The following TTC28 variants were observed in gnomAD, a reference collection of about 807,000 sequenced individuals.
TTC28 encodes tetratricopeptide repeat domain 28, also known as tetratricopeptide repeat protein 28.
In TTC28, 61 loss-of-function variants were observed where a neutral mutation model predicts 198.0. The ratio of observed to expected loss-of-function variants is 0.31; its 90% CI spans 0.25 to 0.38. TTC28 has a LOEUF of 0.38. TTC28 is among the 10% of genes least tolerant of loss of function. TTC28 has a pLI of 1.00. For synonymous variants in TTC28, 1,171 were observed against 1,297.8 expected (o/e 0.90, Z 2.10); for missense variants, 2,678 against 3,164.0 (o/e 0.85, Z 3.69).
At chr22:28,577,879 T>G (rs2050175919) in intron 2 of TTC28, among the ~76,000 whole-genome samples, 1 of 152,180 alleles carries the variant, frequency 6.6e-6, no homozygotes, top group Admixed American at 6.5e-5. Context: ...GTGTTTCTTG[T>G]AGGTAACAGA....
chr22:28,162,549 G>C (rs1921332186), intron 6 of TTC28, among the ~76,000 whole-genome samples: 1 of 152,114 alleles, frequency 6.6e-6, no homozygotes, highest in South Asian at 2.1e-4. Context: ...TACATTAAAA[G>C]GTTGGGATGT....
In TTC28 at chr22:28,044,683, T is replaced by C. The variant is rs187049338; in HGVS notation, c.3933-14317A>G. On this transcript the variant is annotated intron_variant, in intron 12 of 22. Coordinates refer to ENST00000397906, the MANE Select transcript of TTC28 (RefSeq NM_001145418.2). The stretch of plus-strand genomic sequence containing the variant: ...GTGTTCTCATTGTTCAATTCCCACC[T>C]ATGAGTGAGAACATGTGGTGTTTGG... 2.4e-4 allele frequency among the ~76,000 whole-genome samples: 37 copies of C among 152,314 alleles called. 1 individual carries two copies. In the East Asian group the frequency reaches 6.9e-3, roughly 29 times the overall value.
At position 28,193,645 on chromosome 22, in the gene TTC28, G is replaced by T. The variant is rs533409125; in HGVS notation, c.934-30046C>A. Among the ~76,000 whole-genome samples, 11 of 152,062 alleles carry T rather than the reference G, an allele frequency of 7.2e-5. No individual in the cohort carries two copies. In the East Asian group the frequency reaches 1.7e-3, roughly 24 times the overall value. On this transcript the variant is annotated intron_variant, in intron 5 of 22. Coordinates refer to ENST00000397906, the MANE Select transcript of TTC28 (RefSeq NM_001145418.2). ...AGGCAGGGGTTGCAAACCTAGTCTC[G>T]GATAAAACAGACTTTAAACCAACAA...
intron 2 of TTC28, among the ~76,000 whole-genome samples, chr22:28,544,251 A>G (rs908641456): frequency 1.3e-5 from 2 of 152,080 alleles, no homozygotes; most frequent in African/African-American, 4.8e-5. Flanking sequence ...CAAACAAACA[A>G]AAACACCTTG....
At chr22:28,351,445 T>C (rs1206990321) in intron 2 of TTC28, among the ~76,000 whole-genome samples, 1 of 152,226 alleles carries the variant, frequency 6.6e-6, no homozygotes, top group Non-Finnish European at 1.5e-5. Flanking sequence ...AAGAATCCCA[T>C]ATATGCTTTG....
intron 5 of TTC28, among the ~76,000 whole-genome samples, chr22:28,178,034 T>C (rs941272012): frequency 6.6e-6 from 1 of 152,180 alleles, no homozygotes; most frequent in Admixed American, 6.5e-5. Context: ...GGTTCATCAG[T>C]TGTAATAATG....
At chr22:28,194,192 T>TA (rs1339555490) in intron 5 of TTC28, among the ~76,000 whole-genome samples, 1 of 152,162 alleles carries the variant, frequency 6.6e-6, no homozygotes, top group Admixed American at 6.5e-5. Flanking sequence ...ACTGGGTACA[T>TA]AACAAAATGA....
Position 28,108,345 on chromosome 22 carries a change from G to T in TTC28, c.1500C>A (p.His500Gln). The T allele has an allele frequency of 4.0e-6, 6 of 1,490,292 alleles. No homozygotes were observed. Among genetic ancestry groups the T allele is most frequent in the Non-Finnish European group, 5.4e-6 (6 of 1,114,180 alleles). 92.3% of individuals were successfully genotyped at this position (1,490,292 alleles called of 1,614,324 possible). ...YDTALKLHKT[H>Q]LCIAQELSDY... ...CACTCAGCTCCTGGGCAATGCACAG[G>T]TGGGTCTTGTGGAGTTTCAGTGCAG... Residue 500 changes from histidine (H) to glutamine (Q), a missense_variant, in exon 7 of 23, where the codon CAC becomes CAA. Around this residue, in one of 8 missense-constraint regions of TTC28, gnomAD observed 775 missense variants for 845.9 expected, o/e 0.92. Transcript: ENST00000397906.
intron 12 of TTC28, among the ~76,000 whole-genome samples, chr22:28,032,207 T>TATATATATATAAA (rs1388803512): frequency 1.5e-4 from 19 of 125,828 alleles, no homozygotes; most frequent in Admixed American, 4.2e-4. Flanking sequence ...ATATATAAAA[T>TATATATATATAAA]ATATATATAT....
chr22:28,189,542 C>T (rs1193535217), intron 5 of TTC28, among the ~76,000 whole-genome samples: 4 of 149,314 alleles, frequency 2.7e-5, no homozygotes, highest in Non-Finnish European at 4.4e-5. Context: ...AGAAACTGAA[C>T]ACATGAGATT....
chr22:28,114,787 T>C (rs545204311), intron 6 of TTC28, among the ~76,000 whole-genome samples: 22 of 152,248 alleles, frequency 1.4e-4, no homozygotes, highest in Non-Finnish European at 2.8e-4. Flanking sequence ...GATCTCACTA[T>C]GTTGCCCAGG....
chr22:28,174,636 C>T (rs1044569539), intron 5 of TTC28, among the ~76,000 whole-genome samples: 1 of 152,116 alleles, frequency 6.6e-6, no homozygotes, highest in South Asian at 2.1e-4. Flanking sequence ...CTGTTTGAGC[C>T]CAGGAGTTTG....
intron 6 of TTC28, among the ~76,000 whole-genome samples, 169 bp from the exon 7 acceptor site, chr22:28,108,572 T>C (rs145602377): frequency 1.2e-4 from 19 of 152,122 alleles, no homozygotes; most frequent in African/African-American, 2.9e-4. Flanking sequence ...ACAGAGAGGA[T>C]AGCTTAAGTT....
intron 2 of TTC28, among the ~76,000 whole-genome samples, chr22:28,345,884 C>T (rs1176430439): frequency 6.6e-6 from 1 of 152,106 alleles, no homozygotes; most frequent in African/African-American, 2.4e-5. Context: ...ATTAAAACAT[C>T]TCAGAAAAAA....
At chr22:28,357,549 G>A (rs1276530007) in intron 2 of TTC28, among the ~76,000 whole-genome samples, 8 of 151,888 alleles carry the variant, frequency 5.3e-5, no homozygotes, top group Admixed American at 3.3e-4. Flanking sequence ...GAGCTGAAGC[G>A]ATCCTCCCAC....
At chr22:28,023,151 G>A (rs1048334625) in intron 13 of TTC28, among the ~76,000 whole-genome samples, 1 of 152,224 alleles carries the variant, frequency 6.6e-6, no homozygotes, top group Non-Finnish European at 1.5e-5. Context: ...CTGGGTCCAT[G>A]GTAGGTTCCC....
intron 6 of TTC28, among the ~76,000 whole-genome samples, chr22:28,135,300 T>C (rs899202735): frequency 1.6e-4 from 25 of 152,204 alleles, no homozygotes; most frequent in African/African-American, 5.8e-4. Context: ...TTCTCTTTTA[T>C]GGGTAAGAAA....
intron 2 of TTC28, among the ~76,000 whole-genome samples, chr22:28,567,538 G>A (rs1319872710): frequency 5.6e-5 from 6 of 108,092 alleles, no homozygotes; most frequent in Non-Finnish European, 1.1e-4. Flanking sequence ...TTAGGATTCA[G>A]AACAGCTTGC....
intron 12 of TTC28, among the ~76,000 whole-genome samples, chr22:28,058,031 A>G (rs1940360329): frequency 6.6e-6 from 1 of 152,108 alleles, no homozygotes. Context: ...ACATTCTCCA[A>G]CTTCACCTTT....
Sources: allele counts gnomAD v4.1 joint callset (sites outside exome capture counted in the v4.1 genomes callset), GRCh38; gene constraint gnomAD v4.1.1; regional missense constraint gnomAD v4.1.1; transcripts MANE v1.5; gene names NCBI Gene and HGNC (gene_info 2026-07-23, HGNC 2026-07-21).